The following CTCF variants were observed in gnomAD, a reference collection of about 807,000 sequenced individuals.
The protein encoded by CTCF is CCCTC-binding factor.
A neutral mutation model predicts 72.3 loss-of-function variants in CTCF; 7 were observed. The ratio of observed to expected loss-of-function variants is 0.10; its 90% CI spans 0.06 to 0.18. The LOEUF is 0.18. Among genes scored for constraint, CTCF ranks in the 10% least tolerant of loss-of-function variants. CTCF has a pLI of 1.00. For synonymous variants in CTCF, 374 were observed against 315.8 expected (o/e 1.18, Z -1.95); for missense variants, 516 against 949.1 (o/e 0.54, Z 6.00).
chr16:67,571,313 C>A (rs1425667439), intron 2 of CTCF, 49 bp downstream of exon 2: 1 of 152,508 alleles, frequency 6.6e-6, no homozygotes, highest in Non-Finnish European at 1.5e-5. Flanking sequence ...AGTAATATAA[C>A]CCTCCTGGAG....
At chr16:67,633,549 A>C (rs992416021) in intron 10 of CTCF, among the ~76,000 whole-genome samples, 1 of 152,080 alleles carries the variant, frequency 6.6e-6, no homozygotes, top group Non-Finnish European at 1.5e-5. Context: ...CTTAAAAGAG[A>C]ATCAATAATA....
At chr16:67,600,969 A>T (rs1232529880) in intron 2 of CTCF, among the ~76,000 whole-genome samples, 2 of 152,146 alleles carry the variant, frequency 1.3e-5, no homozygotes, top group Non-Finnish European at 2.9e-5. Flanking sequence ...AGAGCCAAAA[A>T]ATATGTAGGA....
At chr16:67,628,189 C>T (rs1040147874) in intron 8 of CTCF, among the ~76,000 whole-genome samples, 181 bp from the exon 9 acceptor site, 2 of 152,190 alleles carry the variant, frequency 1.3e-5, no homozygotes, top group Non-Finnish European at 2.9e-5. Context: ...CACTGCTCTC[C>T]AGACTTTGCA....
At chr16:67,582,935 T>C (rs1283443963) in intron 2 of CTCF, among the ~76,000 whole-genome samples, 1 of 152,080 alleles carries the variant, frequency 6.6e-6, no homozygotes, top group Non-Finnish European at 1.5e-5. Flanking sequence ...TCTACACATT[T>C]TTCACACACT....
At position 67,636,679 on chromosome 16, in the gene CTCF, T is replaced by G; in HGVS notation, c.1838-11T>G. ...TGCCCCACCACCTGTGCTTCCTGAT[T>G]TCATGAAAAGAAAATGCTGAACCAG... On this transcript the variant is annotated splice_polypyrimidine_tract_variant and intron_variant, in intron 10 of 11. Coordinates refer to ENST00000264010, the MANE Select transcript of CTCF (RefSeq NM_006565.4). The G allele has an allele frequency of 6.3e-7, 1 of 1,581,502 alleles. No homozygotes were observed. The highest frequency in any genetic ancestry group is 1.2e-5 in the South Asian group (1 of 84,736).
intron 2 of CTCF, among the ~76,000 whole-genome samples, chr16:67,577,151 G>T (rs2051508240): frequency 6.6e-6 from 1 of 151,816 alleles, no homozygotes; most frequent in Non-Finnish European, 1.5e-5. Flanking sequence ...GGGCGTGGTG[G>T]CTCACACCTG....
chr16:67,636,832 C>G lies in CTCF; in HGVS notation c.1980C>G (p.Asn660Lys), dbSNP rs1597733372. 1 of 1,595,800 alleles carries G rather than the reference C, an allele frequency of 6.3e-7. No individual in the cohort carries two copies. Among genetic ancestry groups the G allele is most frequent in the South Asian group, 1.1e-5 (1 of 87,438 alleles). Residue 660 changes from asparagine (N) to lysine (K), a missense_variant, in exon 11 of 12, where the codon AAC (asparagine) becomes AAG (lysine). Asn to Lys is a moderately conservative substitution (Grantham distance 94). Around this residue, in one of 7 missense-constraint regions of CTCF, gnomAD observed 157 missense variants for 172.9 expected, o/e 0.91. Transcript: ENST00000264010. ...GAGGACGACCCCCTGGCAGAACCAA[C>G]CAGCCCAAACAGAACCAGCGTAAGT... ...KRRGRPPGRT[N>K]QPKQNQPTAI... is the part of the protein sequence containing the mutation.
chr16:67,610,840 G>A lies in CTCF; in HGVS notation c.8G>A (p.Gly3Asp). The A allele has an allele frequency of 1.4e-6, 2 of 1,471,516 alleles. No individual in the cohort carries two copies. Among genetic ancestry groups the A allele is most frequent in the Non-Finnish European group, 1.8e-6 (2 of 1,108,010 alleles). 91.2% of individuals were successfully genotyped at this position (1,471,516 alleles called of 1,614,324 possible). A position where few individuals can be genotyped will look rare whatever the true frequency, so the allele number is the denominator to read the frequency against. The change falls in exon 3 of 12, where the codon GGT becomes GAT. Residue 3 changes from glycine to aspartate, a missense_variant. Coordinates refer to ENST00000264010, the MANE Select transcript of CTCF (RefSeq NM_006565.4). ...TTAATAAAGGCAGGGGAAATGGAAG[G>A]TGATGCAGTCGAAGCCATTGTGGAG... is the stretch of plus-strand genomic sequence containing the variant. MEGDAVEAIVEES... is the reference protein window; with the variant it reads MEDDAVEAIVEES...
intron 2 of CTCF, among the ~76,000 whole-genome samples, chr16:67,597,540 T>C (rs1382069065): frequency 6.6e-6 from 1 of 152,176 alleles, no homozygotes; most frequent in Non-Finnish European, 1.5e-5. Flanking sequence ...GGTTTCACCA[T>C]GTTGGCCAGG....
At chr16:67,631,154 G>GTT (rs766362012) in intron 10 of CTCF, among the ~76,000 whole-genome samples, 1,661 of 124,518 alleles carry the variant, frequency 0.013, 99 homozygotes, top group African/African-American at 0.027. Flanking sequence ...TTCTTTGTTT[G>GTT]TTTTTTTTTT....
intron 10 of CTCF, among the ~76,000 whole-genome samples, chr16:67,633,843 G>T (rs1275412653): frequency 6.6e-6 from 1 of 150,798 alleles, no homozygotes; most frequent in Admixed American, 6.6e-5. Flanking sequence ...TACCCTTCCT[G>T]CCCACTTAGA....
intron 2 of CTCF, among the ~76,000 whole-genome samples, chr16:67,606,521 G>A (rs1212055048): frequency 6.6e-6 from 1 of 152,130 alleles, no homozygotes; most frequent in Non-Finnish European, 1.5e-5. Context: ...CACCACGCCC[G>A]GCCCCTATTT....
At chr16:67,613,482 AG>A (rs2052087542) in intron 4 of CTCF, among the ~76,000 whole-genome samples, 1 of 152,236 alleles carries the variant, frequency 6.6e-6, no homozygotes, top group Admixed American at 6.5e-5. Context: ...TGAAGACACT[AG>A]GATGGGGCAT....
chr16:67,603,312 G>A (rs939244156), intron 2 of CTCF, among the ~76,000 whole-genome samples: 40 of 151,868 alleles, frequency 2.6e-4, no homozygotes, highest in Admixed American at 2.6e-3. Flanking sequence ...GGGGGATCAC[G>A]AGGTCAGGAG....
intron 2 of CTCF, among the ~76,000 whole-genome samples, chr16:67,576,880 G>A (rs2051505177): frequency 6.6e-6 from 1 of 152,004 alleles, no homozygotes; most frequent in Non-Finnish European, 1.5e-5. Flanking sequence ...TGTTGAAATG[G>A]CAAGATATTT....
intron 10 of CTCF, among the ~76,000 whole-genome samples, chr16:67,631,520 G>A (rs1250191935): frequency 2.0e-5 from 3 of 151,762 alleles, no homozygotes; most frequent in South Asian, 2.1e-4. Flanking sequence ...GGCTGGTCTC[G>A]TAACTCCTGG....
intron 2 of CTCF, among the ~76,000 whole-genome samples, chr16:67,590,960 CAAAA>C (rs58183374): frequency 1.8e-5 from 1 of 55,124 alleles, no homozygotes. Flanking sequence ...GACTCTGTCT[CAAAA>C]AAAAAAAAAA....
intron 10 of CTCF, among the ~76,000 whole-genome samples, chr16:67,630,804 A>T (rs1464847884): frequency 6.6e-6 from 1 of 152,118 alleles, no homozygotes; most frequent in East Asian, 1.9e-4. Flanking sequence ...GAGGAACAAG[A>T]GTCTTGGTAA....
At chr16:67,599,025 G>A (rs531660180) in intron 2 of CTCF, among the ~76,000 whole-genome samples, 1 of 152,332 alleles carries the variant, frequency 6.6e-6, no homozygotes, top group East Asian at 1.9e-4. Context: ...ATCGTGCATT[G>A]GGGTTGAGGG....
Sources: allele counts gnomAD v4.1 joint callset (sites outside exome capture counted in the v4.1 genomes callset), GRCh38; gene constraint gnomAD v4.1.1; regional missense constraint gnomAD v4.1.1; transcripts MANE v1.5; gene names NCBI Gene and HGNC (gene_info 2026-07-23, HGNC 2026-07-21).